PCDHGA10: variants seen among roughly 807,000 people sequenced by gnomAD.
PCDHGA10 encodes the protein protocadherin gamma-A10.
In PCDHGA10, 42 loss-of-function variants were observed where a neutral mutation model predicts 59.5. The ratio of observed to expected loss-of-function variants is 0.71; its 90% CI spans 0.55 to 0.91. PCDHGA10 has a LOEUF of 0.91. PCDHGA10 is among the 40% of genes least tolerant of loss of function. The probability of loss-of-function intolerance (pLI) is 0.00; values close to 1 mark genes in which losing one functional copy is unlikely to be tolerated. For synonymous variants in PCDHGA10, 511 were observed against 517.2 expected, an observed-to-expected ratio of 0.99 and a Z score of 0.16; for missense variants, 1,111 against 1,198.2, an observed-to-expected ratio of 0.93 and a Z score of 1.07.
At chr5:141,449,538 G>A (rs1445815017) in intron 1 of PCDHGA10, among the ~76,000 whole-genome samples, 15 of 145,960 alleles carry the variant, frequency 1.0e-4, no homozygotes, top group East Asian at 4.0e-4. Flanking sequence ...GCAGTGAGCC[G>A]AGATCGCACC....
rs528069305 is a variant in PCDHGA10, at chr5:141,457,143, T to A, written c.2437-37664T>A. Among the ~76,000 whole-genome samples the A allele has an allele frequency of 5.3e-5, 8 of 152,334 alleles. No homozygotes were observed. In the South Asian group the frequency reaches 1.5e-3, roughly 28 times the overall value. On this transcript the variant is annotated intron_variant, in intron 1 of 3. Transcript: ENST00000398610. ...ATGGAAACTCTGTCCAATATTTCAG[T>A]TAGAAGGTGCTACCATGGATAACCC...
rs2095693828 is a variant in PCDHGA10 at position 141,413,929 on chromosome 5, C to T, written c.754C>T (p.Arg252Ter). 1 of 1,613,342 alleles carries T rather than the reference C, an allele frequency of 6.2e-7. No individual in the cohort carries two copies. The highest frequency in any genetic ancestry group is 1.1e-5 in the South Asian group (1 of 91,064). ...GCCGGTCTTCACCTTGCCAGAATAC[C>T]GAGTGAGTGTTCCTGAGAATTTGCC... ...NAPVFTLPEY[R>*]VSVPENLPVG... The change falls in exon 1 of 4, where the codon CGA becomes TGA. Residue 252 changes from arginine to a stop codon, truncating the protein, a stop_gained. Coordinates refer to ENST00000398610, the MANE Select transcript of PCDHGA10 (RefSeq NM_018913.3). LOFTEE classifies it high-confidence loss of function.
At chr5:141,444,434 G>A (rs761353277) in intron 1 of PCDHGA10, among the ~76,000 whole-genome samples, 16 of 152,196 alleles carry the variant, frequency 1.1e-4, no homozygotes, top group Admixed American at 7.2e-4. Flanking sequence ...GCCTCCCAAA[G>A]TGCTGGGATT....
At chr5:141,438,949 A>G (rs538626951) in intron 1 of PCDHGA10, among the ~76,000 whole-genome samples, 1 of 152,170 alleles carries the variant, frequency 6.6e-6, no homozygotes, top group East Asian at 1.9e-4. Flanking sequence ...TATAGGCATG[A>G]GCCACCGCAC....
rs769232324 is a variant in PCDHGA10, at chr5:141,423,034, G to T, written c.2436+7423G>T. 4 of 1,614,082 alleles carry T rather than the reference G, an allele frequency of 2.5e-6. No individual in the cohort carries two copies. In the African/African-American group the frequency reaches 4.0e-5, roughly 16 times the overall value. On this transcript the variant is annotated intron_variant, in intron 1 of 3. Coordinates refer to ENST00000398610, the MANE Select transcript of PCDHGA10 (RefSeq NM_018913.3). ...GGTGGACAAAGATTCAGGCCAGAAC[G>T]CCTGGCTGTCCTATCGCCTGCTTAA...
chr5:141,421,537 T>C (rs11167744), intron 1 of PCDHGA10: 139,246 of 1,613,908 alleles, frequency 0.086, 6,702 homozygotes, highest in East Asian at 0.14. Context: ...GTCCTCCTGT[T>C]TTTTAAATAT....
chr5:141,446,759 G>A (rs983129633), intron 1 of PCDHGA10, among the ~76,000 whole-genome samples: 5 of 152,026 alleles, frequency 3.3e-5, no homozygotes, highest in Admixed American at 1.3e-4. Flanking sequence ...GAGCCACCGC[G>A]CCCAGCCGGT....
intron 1 of PCDHGA10, chr5:141,423,287 C>T: frequency 6.3e-7 from 1 of 1,586,406 alleles, no homozygotes; most frequent in South Asian, 1.1e-5. Flanking sequence ...AACTCTGAAA[C>T]CTCAGACCTC....
In PCDHGA10 at chr5:141,486,172, T is replaced by C; in HGVS notation, c.2437-8635T>C. ...GGGGTTCTCCAGCCATGGAGCAACA[T>C]TGCAGCCTTCGAGTGGATCTGCTGG... On this transcript the variant is annotated intron_variant, in intron 1 of 3. Transcript: ENST00000398610. The surrounding 1 kb of genome is among the most constrained non-coding windows in gnomAD (Gnocchi z 5.0). 3 of 1,614,212 alleles carry C rather than the reference T, an allele frequency of 1.9e-6. No homozygotes were observed. Among genetic ancestry groups the C allele is most frequent in the Admixed American group, 1.7e-5 (1 of 60,036 alleles).
intron 1 of PCDHGA10, among the ~76,000 whole-genome samples, chr5:141,483,689 G>A (rs1234666254): frequency 6.6e-6 from 1 of 152,022 alleles, no homozygotes; most frequent in Non-Finnish European, 1.5e-5. Flanking sequence ...CAGAAAGCCA[G>A]ATTCCTCTTT....
chr5:141,470,972 C>T (rs1186771156), intron 1 of PCDHGA10, among the ~76,000 whole-genome samples: 3 of 151,988 alleles, frequency 2.0e-5, no homozygotes, highest in Non-Finnish European at 4.4e-5. Flanking sequence ...CCACCTCAGC[C>T]TCCCAAAGTG....
chr5:141,485,882 G>C lies in PCDHGA10; in HGVS notation c.2437-8925G>C. 6.2e-7 allele frequency: 1 copy of C among 1,614,146 alleles called. No homozygotes were observed. On this transcript the variant is annotated intron_variant, in intron 1 of 3. Transcript: ENST00000398610. The surrounding 1 kb of genome is among the most constrained non-coding windows in gnomAD (Gnocchi z 5.7). ...CCGGGTATCCGTGCTGGACGTAAACGACAACGCCCCAGCCTTCCAGCAATC... is the reference window on the plus strand; with the variant it reads ...CCGGGTATCCGTGCTGGACGTAAACCACAACGCCCCAGCCTTCCAGCAATC...
In PCDHGA10 at chr5:141,485,068, T is replaced by C; in HGVS notation, c.2437-9739T>C. On this transcript the variant is annotated intron_variant, in intron 1 of 3. Transcript: ENST00000398610. The surrounding 1 kb of genome is among the most constrained non-coding windows in gnomAD (Gnocchi z 5.7). ...GGCGCCGGCCGAACCGCGCCAGAGCTGGCGCGGGGAAAGGGAGATAGGTGT... is the reference window on the plus strand; with the variant it reads ...GGCGCCGGCCGAACCGCGCCAGAGCCGGCGCGGGGAAAGGGAGATAGGTGT... 1 of 896,972 alleles carries C rather than the reference T, an allele frequency of 1.1e-6. No homozygotes were observed. The highest frequency in any genetic ancestry group is 1.6e-5 in the South Asian group (1 of 61,812). The allele number at this position is 896,972 out of a possible 1,614,324, so 55.6% of individuals were successfully genotyped here. A position where few individuals can be genotyped will look rare whatever the true frequency, so the allele number is the denominator to read the frequency against.
chr5:141,449,688 T>G (rs951233495), intron 1 of PCDHGA10, among the ~76,000 whole-genome samples: 2 of 151,772 alleles, frequency 1.3e-5, no homozygotes, highest in African/African-American at 4.8e-5. Context: ...TATGTTTGTG[T>G]GTATGTACAC....
rs539072548 is a variant in PCDHGA10 at position 141,421,546 on chromosome 5, A to G, written c.2436+5935A>G. 4.3e-6 allele frequency: 7 copies of G among 1,613,896 alleles called. No homozygotes were observed. The South Asian group carries it at 4.4e-5, about 10-fold the overall frequency. ...GACGGTGTCCTCCTGTTTTTTAAAT[A>G]TGGAACTTCTCGTGGAAGACACCTT... On this transcript the variant is annotated intron_variant, in intron 1 of 3. Transcript: ENST00000398610.
intron 3 of PCDHGA10, among the ~76,000 whole-genome samples, chr5:141,509,801 T>C (rs556629445): frequency 2.6e-5 from 4 of 152,140 alleles, no homozygotes; most frequent in South Asian, 2.1e-4. Flanking sequence ...CTCAGCTTCA[T>C]AGAGCCGAGC....
At chr5:141,418,435 A>G (rs1237542659) in intron 1 of PCDHGA10, 1 of 1,614,038 alleles carries the variant, frequency 6.2e-7, no homozygotes, top group South Asian at 1.1e-5. Context: ...GCAAATATCC[A>G]GAATTAGTAT....
At chr5:141,423,089 G>A in intron 1 of PCDHGA10, 1 of 1,614,016 alleles carries the variant, frequency 6.2e-7, no homozygotes, top group Non-Finnish European at 8.5e-7. Flanking sequence ...TTCGCGGTGG[G>A]GGAGCACACG....
intron 1 of PCDHGA10, among the ~76,000 whole-genome samples, chr5:141,469,108 C>A (rs923728484): frequency 4.0e-5 from 6 of 151,768 alleles, no homozygotes; most frequent in Non-Finnish European, 5.9e-5. Context: ...AAGAACCTGT[C>A]TCTAAAAAAA....
Sources: allele counts gnomAD v4.1 joint callset (sites outside exome capture counted in the v4.1 genomes callset), GRCh38; gene constraint gnomAD v4.1.1; non-coding constraint Gnocchi (gnomAD v3.1); transcripts MANE v1.5; gene names NCBI Gene and HGNC (gene_info 2026-07-23, HGNC 2026-07-21).